The following HIF3A variants were observed in gnomAD, a reference collection of about 807,000 sequenced individuals.
The protein encoded by HIF3A is hypoxia inducible factor 3 subunit alpha.
A neutral mutation model predicts 67.2 loss-of-function variants in HIF3A; 41 were observed. That is an observed-to-expected ratio of 0.61 (90% CI 0.48 to 0.79). The LOEUF is 0.79. Ranked by LOEUF, HIF3A falls within the 30% of genes least tolerant of loss-of-function variation. The pLI is 0.00. For synonymous variants in HIF3A, 356 were observed against 374.8 expected (o/e 0.95, Z 0.58); for missense variants, 855 against 898.0 (o/e 0.95, Z 0.61).
At chr19:46,331,432 A>T in intron 13 of HIF3A, 159 bp downstream of exon 13, 5 of 482,500 alleles carry the variant, frequency 1.0e-5, no homozygotes, top group Non-Finnish European at 2.0e-5. Context: ...TTCTAGTTTC[A>T]CTAATGGGTA....
intron 13 of HIF3A, 41 bp from the exon 14 acceptor site, chr19:46,334,864 A>C: frequency 7.0e-7 from 1 of 1,421,102 alleles, no homozygotes; most frequent in Non-Finnish European, 9.8e-7. Context: ...TTGGATACTA[A>C]TGATGATGAT....
Position 46,323,301 on chromosome 19 carries a change from G to A in HIF3A, c.1335+1335G>A, listed in dbSNP as rs147400414. Among the ~76,000 whole-genome samples the A allele has an allele frequency of 1.5e-3, 227 of 151,666 alleles. 1 individual carries two copies. The highest frequency in any genetic ancestry group is 5.2e-3 in the African/African-American group (213 of 41,348). On this transcript the variant is annotated intron_variant, in intron 10 of 14. Coordinates refer to ENST00000377670, the MANE Select transcript of HIF3A (RefSeq NM_152795.4). ...CCTGACCTCATGATCCACCCGCCTC[G>A]GCCTCCCAAAGTGCTAGGATTACAG...
chr19:46,331,306 C>G, intron 13 of HIF3A, 33 bp downstream of exon 13: 1 of 1,543,056 alleles, frequency 6.5e-7, no homozygotes, highest in Non-Finnish European at 9.0e-7. Flanking sequence ...TTCTCTGGCC[C>G]TCATTACCTA....
intron 10 of HIF3A, among the ~76,000 whole-genome samples, chr19:46,323,860 G>A (rs550621576): frequency 3.3e-3 from 504 of 152,208 alleles, no homozygotes; most frequent in Non-Finnish European, 5.0e-3. Flanking sequence ...ACTATCACGA[G>A]GACAGTATGG....
At chr19:46,308,803 G>A (rs773418740) in intron 5 of HIF3A, 28 bp downstream of exon 5, 77 of 1,409,240 alleles carry the variant, frequency 5.5e-5, no homozygotes, top group South Asian at 4.0e-4. Flanking sequence ...AGAGGAGGGC[G>A]GGGACGCTGG....
chr19:46,338,664 T>A, intron 14 of HIF3A: 1 of 376,394 alleles, frequency 2.7e-6, no homozygotes, highest in Non-Finnish European at 3.7e-6. Flanking sequence ...AACAGAGGAG[T>A]AAATCAAGAG....
chr19:46,338,428 C>A lies in HIF3A; in HGVS notation c.1913-1097C>A, dbSNP rs546793092. 155 of 609,640 alleles carry A rather than the reference C, an allele frequency of 2.5e-4. No individual in the cohort carries two copies. In the African/African-American group the frequency reaches 3.0e-3, roughly 12 times the overall value. The allele number at this position is 609,640 out of a possible 1,614,324, so 37.8% of individuals were successfully genotyped here. A position where few individuals can be genotyped will look rare whatever the true frequency, so the allele number is the denominator to read the frequency against. ...ATGTTGCCCAGGCTGGTCTTGAACT[C>A]CTGAGTTCAAGCGATCCACCTGCCT... On this transcript the variant is annotated intron_variant, in intron 14 of 14. Coordinates refer to ENST00000377670, the MANE Select transcript of HIF3A (RefSeq NM_152795.4).
chr19:46,330,580 TTGGATTAATCAA>T (rs1439705997), intron 12 of HIF3A, among the ~76,000 whole-genome samples: 3 of 138,802 alleles, frequency 2.2e-5, no homozygotes, highest in Non-Finnish European at 4.6e-5. Flanking sequence ...GGATGGGTGG[TTGGATTAATCAA>T]TGGATTAATG....
At chr19:46,301,284 C>G (rs536832994) in intron 1 of HIF3A, among the ~76,000 whole-genome samples, 1 of 152,278 alleles carries the variant, frequency 6.6e-6, no homozygotes, top group South Asian at 2.1e-4. Context: ...AGGTCTCTTG[C>G]CTGAGGCTGG....
At chr19:46,308,577 G>A (rs1327239308) in intron 4 of HIF3A, 86 bp from the exon 5 acceptor site, 2 of 773,504 alleles carry the variant, frequency 2.6e-6, no homozygotes, top group African/African-American at 1.7e-5. Context: ...ATGGAGCTGG[G>A]GAGGCCTGAG....
chr19:46,321,833 C>T lies in HIF3A; in HGVS notation c.1202C>T (p.Ala401Val), dbSNP rs781513922. ...FLHPPSLSEA[A>V]LAADPRRFCS... is the part of the protein sequence containing the mutation. Reference sequence around the variant, plus strand: ...CACCCGCCTTCCCTGAGCGAGGCTGCCCTGGCCGCTGACCCCCGCCGTTTC... The same window carrying T: ...CACCCGCCTTCCCTGAGCGAGGCTGTCCTGGCCGCTGACCCCCGCCGTTTC... Residue 401 changes from alanine (A) to valine (V), a missense_variant, in exon 10 of 15, where the codon GCC becomes GTC. Ala to Val is a moderately conservative substitution (Grantham distance 64, BLOSUM62 0). This residue lies in a region of HIF3A where 638 missense variants were observed against 660.5 expected (regional missense o/e 0.97). Transcript: ENST00000377670. 2.8e-5 allele frequency: 45 copies of T among 1,613,810 alleles called. No homozygotes were observed. Among genetic ancestry groups the T allele is most frequent in the Non-Finnish European group, 2.8e-5 (33 of 1,180,028 alleles).
chr19:46,330,575 G>A (rs746751686), intron 12 of HIF3A, among the ~76,000 whole-genome samples: 1 of 151,282 alleles, frequency 6.6e-6, no homozygotes, highest in African/African-American at 2.4e-5. Flanking sequence ...TGGATGGATG[G>A]GTGGTTGGAT....
chr19:46,340,554 G>T lies in HIF3A; in HGVS notation c.*932G>T. 1 of 151,926 alleles carries T rather than the reference G, an allele frequency of 6.6e-6. No homozygotes were observed. Among genetic ancestry groups the T allele is most frequent in the Non-Finnish European group, 1.5e-5 (1 of 68,134 alleles). 9.4% of individuals were successfully genotyped at this position (151,926 alleles called of 1,614,324 possible). On this transcript the variant is annotated 3_prime_UTR_variant, in exon 15 of 15. Transcript: ENST00000377670. ...CTTGCTCTGTCACCCAGGCTGGAGTGCAGTGGCGCGATTTCAGCTTACTGC... is the reference window on the plus strand; with the variant it reads ...CTTGCTCTGTCACCCAGGCTGGAGTTCAGTGGCGCGATTTCAGCTTACTGC...
chr19:46,325,697 T>C (rs952887567), intron 11 of HIF3A, 58 bp downstream of exon 11: 11 of 1,216,424 alleles, frequency 9.0e-6, no homozygotes, highest in Non-Finnish European at 1.2e-5. Context: ...GATTCACATA[T>C]GTGGCTTTAG....
At chr19:46,319,010 C>T (rs1386640562) in intron 8 of HIF3A, among the ~76,000 whole-genome samples, 1 of 152,184 alleles carries the variant, frequency 6.6e-6, no homozygotes, top group Admixed American at 6.5e-5. Context: ...CCACTGACTA[C>T]AGAGTCCTTG....
rs778919362 is a variant in HIF3A at position 46,321,841 on chromosome 19, G to A, written c.1210G>A (p.Ala404Thr). 12 of 1,613,704 alleles carry A rather than the reference G, an allele frequency of 7.4e-6. 1 individual carries two copies. The highest frequency in any genetic ancestry group is 1.6e-4 in the Middle Eastern group (1 of 6,084). Residue 404 changes from alanine to threonine, a missense_variant, in exon 10 of 15, where the codon GCT (alanine) becomes ACT (threonine). Transcript: ENST00000377670. ...PPSLSEAALAADPRRFCSPDL... is the reference protein window; with the variant it reads ...PPSLSEAALATDPRRFCSPDL... Reference sequence around the variant, plus strand: ...TTCCCTGAGCGAGGCTGCCCTGGCCGCTGACCCCCGCCGTTTCTGCAGCCC... The same window carrying A: ...TTCCCTGAGCGAGGCTGCCCTGGCCACTGACCCCCGCCGTTTCTGCAGCCC...
At chr19:46,330,090 C>G (rs778962453) in intron 12 of HIF3A, among the ~76,000 whole-genome samples, 1 of 151,506 alleles carries the variant, frequency 6.6e-6, no homozygotes, top group Admixed American at 6.6e-5. Context: ...AGAAAAGAAA[C>G]TGTCTAGAAC....
rs190041656 is a variant in HIF3A at position 46,321,983 on chromosome 19, A to T, written c.1335+17A>T. The T allele has an allele frequency of 2.3e-5, 37 of 1,611,778 alleles. No individual in the cohort carries two copies. In the African/African-American group the frequency reaches 4.3e-4, roughly 19 times the overall value. On this transcript the variant is annotated intron_variant, in intron 10 of 14. Coordinates refer to ENST00000377670, the MANE Select transcript of HIF3A (RefSeq NM_152795.4). ...CCTCTTTCGGTAAGCCATCCCACCC[A>T]TGTGAGCCCTCAGCATCCAGTGCTC...
intron 2 of HIF3A, 25 bp from the exon 3 acceptor site, chr19:46,305,220 C>G (rs1216919311): frequency 1.9e-6 from 3 of 1,613,546 alleles, no homozygotes; most frequent in Non-Finnish European, 2.5e-6. Context: ...TAGAGATGCC[C>G]CCATCCCCCT....
Sources: gnomAD v4.1 joint callset for allele counts (sites outside exome capture counted in the v4.1 genomes callset) on GRCh38, gnomAD v4.1.1 for gene constraint, gnomAD v4.1.1 regional missense constraint, MANE v1.5 for transcripts, NCBI Gene and HGNC (gene_info 2026-07-23, HGNC 2026-07-21) for gene names.